The following GPC5 variants were observed in gnomAD, a reference collection of about 807,000 sequenced individuals.
GPC5 encodes the protein glypican-5.
GPC5 carries 47 observed loss-of-function variants against 53.9 expected under a neutral mutation model. That is an observed-to-expected ratio of 0.87 (90% confidence interval 0.69 to 1.11). GPC5 has a LOEUF of 1.11. Ranked by LOEUF, GPC5 falls within the 50% of genes most tolerant of loss-of-function variation. The probability of loss-of-function intolerance (pLI) is 0.00; values close to 1 mark genes in which losing one functional copy is unlikely to be tolerated. For missense variants in GPC5, 748 were observed against 713.1 expected, an observed-to-expected ratio of 1.05 and a Z score of -0.56; for synonymous variants, 286 against 263.3, an observed-to-expected ratio of 1.09 and a Z score of -0.84.
chr13:92,165,844 A>G (rs548773976), intron 7 of GPC5, among the ~76,000 whole-genome samples: 1 of 152,212 alleles, frequency 6.6e-6, no homozygotes, highest in African/African-American at 2.4e-5. Context: ...TTAAAACTCT[A>G]TATGATAGGT....
chr13:92,552,318 C>T (rs1267234890), intron 7 of GPC5, among the ~76,000 whole-genome samples: 1 of 151,174 alleles, frequency 6.6e-6, no homozygotes, highest in Non-Finnish European at 1.5e-5. Context: ...AGAGAGGTCA[C>T]AAAATAAGGA....
intron 7 of GPC5, among the ~76,000 whole-genome samples, chr13:92,780,272 TTAATA>T (rs1220649629): frequency 2.0e-5 from 3 of 151,334 alleles, no homozygotes; most frequent in Admixed American, 2.0e-4. Flanking sequence ...TATATTTCAC[TTAATA>T]TAATTAAGTG....
chr13:92,654,908 C>CTGA (rs1171908369), intron 7 of GPC5, among the ~76,000 whole-genome samples: 1 of 152,092 alleles, frequency 6.6e-6, no homozygotes, highest in African/African-American at 2.4e-5. Context: ...TCCAATATGA[C>CTGA]TGATGTTCTT....
intron 6 of GPC5, among the ~76,000 whole-genome samples, chr13:91,938,302 CAAGAGAGA>C (rs2039890069): frequency 6.6e-6 from 1 of 151,916 alleles, no homozygotes; most frequent in African/African-American, 2.4e-5. Context: ...AGAGACAGAG[CAAGAGAGA>C]AAGAGGGGAA....
intron 6 of GPC5, among the ~76,000 whole-genome samples, chr13:92,092,887 G>C (rs1389549096): frequency 2.0e-5 from 3 of 152,116 alleles, no homozygotes; most frequent in African/African-American, 7.2e-5. Context: ...AAAGAGCAGA[G>C]AATATATAGG....
chr13:91,689,176 CATATATAAAT>C (rs1220592385), intron 2 of GPC5, among the ~76,000 whole-genome samples: 4 of 59,008 alleles, frequency 6.8e-5, no homozygotes, highest in African/African-American at 1.7e-4. Flanking sequence ...CTCAAAAAAT[CATATATAAAT>C]ATATATATAT....
chr13:92,816,132 T>A (rs1184056406), intron 7 of GPC5, among the ~76,000 whole-genome samples: 1 of 152,038 alleles, frequency 6.6e-6, no homozygotes, highest in Admixed American at 6.5e-5. Flanking sequence ...GATTCTGAAA[T>A]GTATCCAAAT....
At chr13:92,290,314 G>T (rs886719656) in intron 7 of GPC5, among the ~76,000 whole-genome samples, 1 of 152,052 alleles carries the variant, frequency 6.6e-6, no homozygotes, top group African/African-American at 2.4e-5. Context: ...ATGAGGAAGT[G>T]GATTTGACTT....
At chr13:92,089,373 G>A (rs543845965) in intron 6 of GPC5, among the ~76,000 whole-genome samples, 1 of 152,160 alleles carries the variant, frequency 6.6e-6, no homozygotes, top group South Asian at 2.1e-4. Flanking sequence ...GGCAGAGCTT[G>A]CAGTGAGCCC....
Position 92,416,977 on chromosome 13 carries a change from C to T in GPC5, c.1561+271988C>T, listed in dbSNP as rs531850669. Among the ~76,000 whole-genome samples, 6 of 152,306 alleles carry T rather than the reference C, an allele frequency of 3.9e-5. No homozygotes were observed. In the South Asian group the frequency reaches 8.3e-4, roughly 21 times the overall value. ...AAAAAGGCACTTTAACTTATATTTT[C>T]AACTTACGATGGTTTATTGGGACAT... is the stretch of plus-strand genomic sequence containing the variant. On this transcript the variant is annotated intron_variant, in intron 7 of 7. Transcript: ENST00000377067.
intron 7 of GPC5, chr13:92,239,794 A>G (rs1394759261): frequency 1.2e-4 from 4 of 33,444 alleles, no homozygotes; most frequent in Non-Finnish European, 2.9e-4. Flanking sequence ...TCCACCTGCA[A>G]ATGATTTGCT....
chr13:91,930,682 A>T (rs1333746214), intron 6 of GPC5, among the ~76,000 whole-genome samples: 1 of 152,054 alleles, frequency 6.6e-6, no homozygotes, highest in Non-Finnish European at 1.5e-5. Flanking sequence ...CCTAAACAGT[A>T]CTAAATGCAA....
intron 5 of GPC5, among the ~76,000 whole-genome samples, chr13:91,840,941 T>C (rs557318524): frequency 6.6e-6 from 1 of 152,172 alleles, no homozygotes; most frequent in South Asian, 2.1e-4. Flanking sequence ...ATACTGTCTT[T>C]CATCTCATAA....
intron 7 of GPC5, among the ~76,000 whole-genome samples, chr13:92,775,511 T>TA (rs1875770112): frequency 6.6e-6 from 1 of 151,694 alleles, no homozygotes; most frequent in African/African-American, 2.4e-5. Flanking sequence ...AAATTTATGC[T>TA]TTTTTTAAAG....
chr13:92,048,596 T>G (rs1189221349), intron 6 of GPC5, among the ~76,000 whole-genome samples: 2 of 152,218 alleles, frequency 1.3e-5, no homozygotes. Context: ...TAGTGTTCAC[T>G]TTTACATGGC....
At chr13:92,053,687 A>G (rs1334318754) in intron 6 of GPC5, among the ~76,000 whole-genome samples, 2 of 152,134 alleles carry the variant, frequency 1.3e-5, no homozygotes, top group African/African-American at 2.4e-5. Context: ...ATAGCAATAA[A>G]GAAGTTGTAT....
intron 7 of GPC5, among the ~76,000 whole-genome samples, chr13:92,187,802 GA>G (rs1218061565): frequency 1.3e-5 from 2 of 152,154 alleles, no homozygotes; most frequent in African/African-American, 4.8e-5. Context: ...GCTTCATTTA[GA>G]ATCTATTAAT....
intron 6 of GPC5, 104 bp downstream of exon 6, chr13:91,908,161 C>A: frequency 1.1e-6 from 1 of 927,588 alleles, no homozygotes; most frequent in Non-Finnish European, 1.5e-6. Context: ...ATAATCCTAC[C>A]TAAAATATTG....
intron 2 of GPC5, among the ~76,000 whole-genome samples, chr13:91,620,198 A>G (rs751617631): frequency 1.8e-4 from 27 of 152,142 alleles, no homozygotes; most frequent in Admixed American, 1.4e-3. Flanking sequence ...TGTGTCTAAA[A>G]TCACCATGCA....
Sources: allele counts gnomAD v4.1 joint callset (sites outside exome capture counted in the v4.1 genomes callset), GRCh38; gene constraint gnomAD v4.1.1; transcripts MANE v1.5; gene names NCBI Gene and HGNC (gene_info 2026-07-23, HGNC 2026-07-21).